ANK3: variants seen among roughly 807,000 people sequenced by gnomAD.
The protein encoded by ANK3 is ankyrin 3.
ANK3 carries 57 observed loss-of-function variants against 370.9 expected under a neutral mutation model. That is an observed-to-expected ratio of 0.15 (90% confidence interval 0.12 to 0.19). ANK3 has a LOEUF of 0.19. Ranked by LOEUF, ANK3 falls within the 10% of genes least tolerant of loss-of-function variation. ANK3 has a pLI of 1.00. For missense variants in ANK3, 4,439 were observed against 5,302.1 expected (o/e 0.84, Z 5.06); for synonymous variants, 1,929 against 1,946.3 (o/e 0.99, Z 0.23).
intron 23 of ANK3, among the ~76,000 whole-genome samples, chr10:60,143,713 T>C (rs1304902577): frequency 6.6e-6 from 1 of 152,222 alleles, no homozygotes; most frequent in African/African-American, 2.4e-5. Context: ...TGCCCTTGCA[T>C]AGTACCCCTA....
intron 25 of ANK3, among the ~76,000 whole-genome samples, chr10:60,131,577 T>C (rs952231026): frequency 6.6e-6 from 1 of 152,230 alleles, no homozygotes. Flanking sequence ...CTTTGTCTTC[T>C]ATTTCTGTTC....
chr10:60,708,505 G>T (rs2079651388), intron 1 of ANK3, among the ~76,000 whole-genome samples: 1 of 152,176 alleles, frequency 6.6e-6, no homozygotes, highest in Admixed American at 6.5e-5. Context: ...GTTTCTCAGA[G>T]CAGATAGAAG....
At chr10:60,459,807 A>T (rs1045239611) in intron 2 of ANK3, among the ~76,000 whole-genome samples, 9 of 152,094 alleles carry the variant, frequency 5.9e-5, no homozygotes, top group East Asian at 1.9e-4. Context: ...GAACTTACAC[A>T]CACTCTCCTA....
At chr10:60,282,155 T>C (rs1279533311) in intron 1 of ANK3, among the ~76,000 whole-genome samples, 2 of 152,152 alleles carry the variant, frequency 1.3e-5, no homozygotes, top group African/African-American at 2.4e-5. Flanking sequence ...TGGGAACAAA[T>C]GACATCAGTC....
chr10:60,517,516 C>T (rs949953949), intron 2 of ANK3, among the ~76,000 whole-genome samples: 1 of 151,968 alleles, frequency 6.6e-6, no homozygotes, highest in Non-Finnish European at 1.5e-5. Context: ...TTTGGGGCCA[C>T]GTGTATGTAT....
intron 12 of ANK3, among the ~76,000 whole-genome samples, chr10:60,202,112 C>T (rs2096688453): frequency 6.6e-6 from 1 of 151,956 alleles, no homozygotes; most frequent in South Asian, 2.1e-4. Flanking sequence ...ACCCCCCATA[C>T]TTTATTTTTT....
chr10:60,529,442 T>C (rs1036345252), intron 2 of ANK3, among the ~76,000 whole-genome samples: 9 of 152,138 alleles, frequency 5.9e-5, no homozygotes, highest in Admixed American at 3.9e-4. Flanking sequence ...CACACATCGA[T>C]AGAAGTTTAG....
chr10:60,708,788 A>T (rs1256838490), intron 1 of ANK3, among the ~76,000 whole-genome samples: 1 of 152,192 alleles, frequency 6.6e-6, no homozygotes, highest in Non-Finnish European at 1.5e-5. Context: ...GCACATTAAA[A>T]GACTGAGTGA....
chr10:60,574,364 G>A (rs531285830), intron 2 of ANK3, among the ~76,000 whole-genome samples: 17 of 152,244 alleles, frequency 1.1e-4, no homozygotes, highest in East Asian at 3.9e-4. Context: ...TGAGGTGTGC[G>A]CATTAATTAT....
intron 23 of ANK3, among the ~76,000 whole-genome samples, chr10:60,159,765 A>G (rs4948394): frequency 0.6 from 90,625 of 151,938 alleles, 27,157 homozygotes; most frequent in Middle Eastern, 0.65. Flanking sequence ...AGCAAGAGAA[A>G]CCTTGGAAAC....
intron 2 of ANK3, among the ~76,000 whole-genome samples, chr10:60,466,189 T>C (rs1376172810): frequency 1.3e-5 from 2 of 152,198 alleles, no homozygotes; most frequent in African/African-American, 4.8e-5. Context: ...GGGCCTTTGA[T>C]AAAGAGGGCA....
At chr10:60,382,235 A>G (rs2061643279) in intron 1 of ANK3, among the ~76,000 whole-genome samples, 1 of 151,982 alleles carries the variant, frequency 6.6e-6, no homozygotes, top group Non-Finnish European at 1.5e-5. Context: ...CCCATTTTTT[A>G]CCATGCAGTC....
chr10:60,190,137 A>G (rs2096448063), intron 16 of ANK3, among the ~76,000 whole-genome samples: 1 of 152,226 alleles, frequency 6.6e-6, no homozygotes, highest in Non-Finnish European at 1.5e-5. Context: ...TTTCTAGGAC[A>G]TGTATGAGTA....
At chr10:60,569,593 A>G (rs1427745404) in intron 2 of ANK3, among the ~76,000 whole-genome samples, 3 of 152,216 alleles carry the variant, frequency 2.0e-5, no homozygotes, top group Admixed American at 6.5e-5. Context: ...AACTTGAATC[A>G]TTATATTCCT....
intron 1 of ANK3, among the ~76,000 whole-genome samples, chr10:60,281,211 T>C (rs1193564913): frequency 1.3e-5 from 2 of 152,268 alleles, no homozygotes; most frequent in Middle Eastern, 3.4e-3. Flanking sequence ...GTAATGAGCC[T>C]CTCTCAATCA....
intron 43 of ANK3, among the ~76,000 whole-genome samples, chr10:60,040,681 G>A (rs1489372579): frequency 6.6e-6 from 1 of 152,128 alleles, no homozygotes; most frequent in African/African-American, 2.4e-5. Context: ...AAGGACCCTG[G>A]AAGCATAGCA....
chr10:60,324,024 G>A (rs987925952), intron 1 of ANK3, among the ~76,000 whole-genome samples: 1 of 152,178 alleles, frequency 6.6e-6, no homozygotes, highest in African/African-American at 2.4e-5. Flanking sequence ...AGCAATGAAT[G>A]TGAGCAACTC....
chr10:60,045,393 T>A (rs558252209), intron 42 of ANK3, among the ~76,000 whole-genome samples: 5 of 152,324 alleles, frequency 3.3e-5, no homozygotes, highest in Admixed American at 6.5e-5. Context: ...GACAGCTTGG[T>A]GGATTTAGAT....
At chr10:60,182,841 C>T (rs2096235185) in intron 17 of ANK3, among the ~76,000 whole-genome samples, 1 of 152,198 alleles carries the variant, frequency 6.6e-6, no homozygotes, top group Admixed American at 6.5e-5. Flanking sequence ...GATGCATTCA[C>T]TTGAAATTCA....
Sources: allele counts gnomAD v4.1 joint callset (sites outside exome capture counted in the v4.1 genomes callset), GRCh38; gene constraint gnomAD v4.1.1; transcripts MANE v1.5; gene names NCBI Gene and HGNC (gene_info 2026-07-23, HGNC 2026-07-21).